FAM193B: variants seen among roughly 807,000 people sequenced by gnomAD.
FAM193B encodes the protein family with sequence similarity 193 member B.
A neutral mutation model predicts 70.7 loss-of-function variants in FAM193B; 27 were observed. That is an observed-to-expected ratio of 0.38 (90% CI 0.28 to 0.53). The LOEUF is 0.53. Ranked by LOEUF, FAM193B falls within the 20% of genes least tolerant of loss-of-function variation. The probability of loss-of-function intolerance (pLI) is 0.81; values close to 1 mark genes in which losing one functional copy is unlikely to be tolerated. For missense variants in FAM193B, 1,022 were observed against 1,072.5 expected (o/e 0.95, Z 0.66); for synonymous variants, 448 against 436.0 (o/e 1.03, Z -0.34).
In FAM193B at chr5:177,522,052, T is replaced by C. The variant is rs1761829027; in HGVS notation, c.2392A>G (p.Lys798Glu). The change falls in exon 8 of 9, where the codon AAG (lysine) becomes GAG (glutamate). Residue 798 changes from lysine to glutamate, a missense_variant. Coordinates refer to ENST00000514747, the MANE Select transcript of FAM193B (RefSeq NM_001190946.3). ...ACAGCAACTTTCTGACGAGTCTGCT[T>C]TGCAGAATCCAAACAGAACCTGTTG... Reference protein sequence around the residue: ...YFKRFCLDSAKQTRQKVAVNW... With the variant: ...YFKRFCLDSAEQTRQKVAVNW... 6.2e-7 allele frequency: 1 copy of C among 1,614,002 alleles called. No individual in the cohort carries two copies. The highest frequency in any genetic ancestry group is 1.3e-5 in the African/African-American group (1 of 75,062).
At position 177,532,650 on chromosome 5, in the gene FAM193B, G is replaced by T; in HGVS notation, c.1077-9C>A. ...CCTTGCACCCGGGATCCCTGATGATGGGGAGGAAGGCCCAGAGGTGAGGCA... is the reference window on the plus strand; with the variant it reads ...CCTTGCACCCGGGATCCCTGATGATTGGGAGGAAGGCCCAGAGGTGAGGCA... On this transcript the variant is annotated splice_polypyrimidine_tract_variant and intron_variant, in intron 4 of 8. Coordinates refer to ENST00000514747, the MANE Select transcript of FAM193B (RefSeq NM_001190946.3). The surrounding 1 kb of genome is among the most constrained non-coding windows in gnomAD (Gnocchi z 4.9). 1 of 1,527,604 alleles carries T rather than the reference G, an allele frequency of 6.5e-7. No individual in the cohort carries two copies. Among genetic ancestry groups the T allele is most frequent in the Non-Finnish European group, 8.7e-7 (1 of 1,146,146 alleles). 94.6% of individuals were successfully genotyped at this position (1,527,604 alleles called of 1,614,324 possible).
At chr5:177,553,418 C>T (rs2127497559) in intron 1 of FAM193B, 5 of 1,049,852 alleles carry the variant, frequency 4.8e-6, no homozygotes, top group Non-Finnish European at 3.5e-6. Context: ...GAGAGCCACC[C>T]AGCCCCGAGT....
At position 177,548,243 on chromosome 5, in the gene FAM193B, T is replaced by C. The variant is rs184708123; in HGVS notation, c.210+6006A>G. ...ATAGAGCTTATCATATATATTCTAG[T>C]GGTTGAAATCTGTCCTTTCCACAAT... On this transcript the variant is annotated intron_variant, in intron 1 of 8. Coordinates refer to ENST00000514747, the MANE Select transcript of FAM193B (RefSeq NM_001190946.3). Among the ~76,000 whole-genome samples the C allele has an allele frequency of 2.9e-3, 444 of 152,310 alleles. 3 individuals are homozygous for C. Among genetic ancestry groups the C allele is most frequent in the Non-Finnish European group, 5.2e-3 (352 of 68,022 alleles).
chr5:177,524,412 C>T lies in FAM193B; in HGVS notation c.2069G>A (p.Gly690Glu), dbSNP rs1315059468. The T allele has an allele frequency of 3.1e-6, 5 of 1,592,216 alleles. No individual in the cohort carries two copies. The South Asian group carries it at 5.7e-5, about 18-fold the overall frequency. Residue 690 changes from glycine (G) to glutamate (E), a missense_variant, in exon 6 of 9, where the codon GGA (glycine) becomes GAA (glutamate). Gly to Glu is a moderately conservative substitution (Grantham distance 98). Transcript: ENST00000514747. Reference sequence around the variant, plus strand: ...TGGCCGGCTCCCCCGGCTCCCCTCTCCAGCCTCAGCACAGCTGCCTACTTT... The same window carrying T: ...TGGCCGGCTCCCCCGGCTCCCCTCTTCAGCCTCAGCACAGCTGCCTACTTT... ...LPKVGSCAEA[G>E]EGSRGSRPGP...
At position 177,532,271 on chromosome 5, in the gene FAM193B, T is replaced by TAC. The variant is rs1763585807; in HGVS notation, c.1275+170_1275+171dup. The TAC allele has an allele frequency of 2.0e-6, 3 of 1,488,318 alleles. No individual in the cohort carries two copies. Among genetic ancestry groups the TAC allele is most frequent in the Non-Finnish European group, 1.8e-6 (2 of 1,123,986 alleles). 92.2% of individuals were successfully genotyped at this position (1,488,318 alleles called of 1,614,324 possible). On this transcript the variant is annotated intron_variant, in intron 5 of 8. Coordinates refer to ENST00000514747, the MANE Select transcript of FAM193B (RefSeq NM_001190946.3). The surrounding 1 kb of genome is among the most constrained non-coding windows in gnomAD (Gnocchi z 4.9). The stretch of plus-strand genomic sequence containing the variant: ...AGGTAGCAAAATGTTTAAAAACCCC[T>TAC]ACCTCACAAATGTGCTGTGAGGATC...
At position 177,554,291 on chromosome 5, in the gene FAM193B, G is replaced by T. The variant is rs1581963047; in HGVS notation, c.168C>A (p.Gly56=). Residue 56 remains glycine (G), a synonymous_variant, in exon 1 of 9, where the codon GGC becomes GGA. Transcript: ENST00000514747. ...GGTTGGGTTCGTCATCCTCCCTGGGGCCGTCGTGGTCGGGCTCCGCCGGCG... is the reference window on the plus strand; with the variant it reads ...GGTTGGGTTCGTCATCCTCCCTGGGTCCGTCGTGGTCGGGCTCCGCCGGCG... ...PEAPAEPDHD[G]PREDDEPNLV... The T allele has an allele frequency of 1.4e-6, 2 of 1,405,018 alleles. No individual in the cohort carries two copies. The highest frequency in any genetic ancestry group is 6.1e-5 in the East Asian group (2 of 32,572). 87.0% of individuals were successfully genotyped at this position (1,405,018 alleles called of 1,614,324 possible). A position where few individuals can be genotyped will look rare whatever the true frequency, so the allele number is the denominator to read the frequency against.
chr5:177,544,759 C>T (rs1765215562), intron 1 of FAM193B, among the ~76,000 whole-genome samples: 1 of 152,184 alleles, frequency 6.6e-6, no homozygotes, highest in South Asian at 2.1e-4. Context: ...ATGACCAAAG[C>T]ATGATGGATT....
chr5:177,542,650 C>G (rs967903813), intron 1 of FAM193B, among the ~76,000 whole-genome samples: 1 of 152,036 alleles, frequency 6.6e-6, no homozygotes, highest in African/African-American at 2.4e-5. Flanking sequence ...TGCTTAAAAC[C>G]CACTTTCTTC....
At position 177,532,622 on chromosome 5, in the gene FAM193B, G is replaced by A. The variant is rs1394611958; in HGVS notation, c.1096C>T (p.His366Tyr). ...GCCAGGCCACTGTGTGCAAACTTGT[G>A]CCCCTTGCACCCGGGATCCCTGATG... The part of the protein sequence containing the change: ...STHRDPGCKG[H>Y]KFAHSGLACQ... The change falls in exon 5 of 9, where the codon CAC becomes TAC. Residue 366 changes from histidine (H) to tyrosine (Y), a missense_variant. Coordinates refer to ENST00000514747, the MANE Select transcript of FAM193B (RefSeq NM_001190946.3). The surrounding 1 kb of genome is among the most constrained non-coding windows in gnomAD (Gnocchi z 4.9). 31 of 1,561,026 alleles carry A rather than the reference G, an allele frequency of 2.0e-5. No individual in the cohort carries two copies. The East Asian group carries it at 7.3e-4, about 37-fold the overall frequency.
At chr5:177,537,080 C>G (rs1435790514) in intron 3 of FAM193B, among the ~76,000 whole-genome samples, 4 of 152,192 alleles carry the variant, frequency 2.6e-5, no homozygotes, top group African/African-American at 9.7e-5. Flanking sequence ...GGAGGATGAT[C>G]TGCAGAAGCC....
Position 177,536,259 on chromosome 5 carries a change from T to C in FAM193B, c.1076+99A>G, listed in dbSNP as rs200664273. The C allele has an allele frequency of 1.5e-5, 19 of 1,245,612 alleles. No homozygotes were observed. The East Asian group carries it at 4.8e-4, about 32-fold the overall frequency. The allele number at this position is 1,245,612 out of a possible 1,614,324, so 77.2% of individuals were successfully genotyped here. ...TTGAAAAATAATGAAAGGAAAGACA[T>C]AGTCTACTTTTTAATTGCCACCTCA... On this transcript the variant is annotated intron_variant, in intron 4 of 8. Coordinates refer to ENST00000514747, the MANE Select transcript of FAM193B (RefSeq NM_001190946.3).
chr5:177,524,103 C>T, intron 6 of FAM193B, 71 bp from the exon 7 acceptor site: 1 of 1,611,682 alleles, frequency 6.2e-7, no homozygotes. Context: ...GGGGGCAGCG[C>T]TGTCTACACA....
intron 4 of FAM193B, among the ~76,000 whole-genome samples, chr5:177,533,479 G>C (rs1483384686): frequency 2.6e-5 from 4 of 152,044 alleles, no homozygotes; most frequent in Non-Finnish European, 5.9e-5. Flanking sequence ...TAATTTTCTT[G>C]TATTTTTAGT....
intron 1 of FAM193B, 168 bp downstream of exon 1, chr5:177,554,081 C>T (rs1177959298): frequency 3.6e-6 from 5 of 1,383,076 alleles, no homozygotes; most frequent in Non-Finnish European, 4.7e-6. Flanking sequence ...GGAGAGGGGT[C>T]CAGCCTCCAT....
chr5:177,531,744 G>A, intron 5 of FAM193B: 1 of 639,794 alleles, frequency 1.6e-6, no homozygotes, highest in Non-Finnish European at 2.2e-6. Context: ...ACACTGACTG[G>A]GGAGCCAGAA....
rs1292197047 is a variant in FAM193B, at chr5:177,537,913, G to A, written c.648C>T (p.Ala216=). ...GLWNSPHSSG[A]MPGSSLGSPP... ...GACTCCCAAGAGAGCTGCCTGGCAT[G>A]GCCCCACTGGAATGTGGGGAATTCC... is the stretch of plus-strand genomic sequence containing the variant. Residue 216 remains alanine (A), a synonymous_variant, in exon 3 of 9, where the codon GCC becomes GCT. Transcript: ENST00000514747. The A allele has an allele frequency of 5.6e-6, 9 of 1,602,788 alleles. No individual in the cohort carries two copies. The highest frequency in any genetic ancestry group is 7.7e-6 in the Non-Finnish European group (9 of 1,174,798).
chr5:177,528,777 G>A (rs1202118014), intron 5 of FAM193B, among the ~76,000 whole-genome samples: 3 of 152,190 alleles, frequency 2.0e-5, no homozygotes, highest in Non-Finnish European at 2.9e-5. Context: ...CTAAGGTACA[G>A]GAAGCCCAGG....
intron 1 of FAM193B, among the ~76,000 whole-genome samples, chr5:177,544,912 T>C (rs1426700619): frequency 6.6e-6 from 1 of 152,240 alleles, no homozygotes; most frequent in Non-Finnish European, 1.5e-5. Context: ...TGTGTGAGGT[T>C]GGATTTTTTT....
chr5:177,550,097 T>C (rs778810980), intron 1 of FAM193B, among the ~76,000 whole-genome samples: 8 of 152,168 alleles, frequency 5.3e-5, no homozygotes, highest in East Asian at 1.9e-4. Context: ...GAAGTATCAC[T>C]TGAGTCCAGG....
Sources: gnomAD v4.1 joint callset for allele counts (sites outside exome capture counted in the v4.1 genomes callset) on GRCh38, gnomAD v4.1.1 for gene constraint, Gnocchi (gnomAD v3.1) non-coding constraint, MANE v1.5 for transcripts, NCBI Gene and HGNC (gene_info 2026-07-23, HGNC 2026-07-21) for gene names.